SARDH: variants seen among roughly 807,000 people sequenced by gnomAD.
SARDH encodes sarcosine dehydrogenase, mitochondrial.
Under a neutral mutation model 109.1 loss-of-function variants are expected in SARDH, and 95 were observed. The observed-to-expected ratio is 0.87, with a 90% CI of 0.74 to 1.03. The LOEUF (loss-of-function observed/expected upper bound fraction) is 1.03. Among genes scored for constraint, SARDH ranks in the 50% least tolerant of loss-of-function variants. The probability of loss-of-function intolerance (pLI) is 0.00; values close to 1 mark genes in which losing one functional copy is unlikely to be tolerated. For synonymous variants in SARDH, 572 were observed against 534.8 expected (o/e 1.07, Z -0.96); for missense variants, 1,267 against 1,287.8 (o/e 0.98, Z 0.25).
intron 13 of SARDH, among the ~76,000 whole-genome samples, chr9:133,698,576 G>A (rs1454252773): frequency 2.0e-5 from 3 of 152,146 alleles, no homozygotes; most frequent in Non-Finnish European, 2.9e-5. Context: ...AATAAGAATA[G>A]ACCTATAGAT....
At chr9:133,726,680 T>C (rs1311331637) in intron 6 of SARDH, among the ~76,000 whole-genome samples, 3 of 152,188 alleles carry the variant, frequency 2.0e-5, no homozygotes, top group East Asian at 1.9e-4. Flanking sequence ...GTCCCCAGTC[T>C]GGCCCTGGTG....
At chr9:133,695,634 C>T (rs529373103) in intron 14 of SARDH, among the ~76,000 whole-genome samples, 6 of 147,798 alleles carry the variant, frequency 4.1e-5, no homozygotes, top group Admixed American at 7.1e-5. Flanking sequence ...CTTCCAGAAC[C>T]GTGACAATAA....
intron 1 of SARDH, among the ~76,000 whole-genome samples, chr9:133,735,506 A>G (rs1588463473): frequency 6.6e-6 from 1 of 152,322 alleles, no homozygotes; most frequent in African/African-American, 2.4e-5. Flanking sequence ...GCGAGGCAGG[A>G]CAGGCAGTCA....
At chr9:133,714,144 C>T (rs1045559834) in intron 8 of SARDH, among the ~76,000 whole-genome samples, 7 of 152,176 alleles carry the variant, frequency 4.6e-5, no homozygotes, top group African/African-American at 7.2e-5. Flanking sequence ...CGTTCGTGAA[C>T]GATGATACGG....
intron 17 of SARDH, among the ~76,000 whole-genome samples, chr9:133,674,269 G>A (rs966856087): frequency 6.6e-6 from 1 of 152,270 alleles, no homozygotes; most frequent in African/African-American, 2.4e-5. Context: ...GCGTCTCCCA[G>A]CGCCCATGGG....
chr9:133,710,135 A>G lies in SARDH; in HGVS notation c.1329-1707T>C, dbSNP rs111741617. ...GGTCCCCAAGGAATTTCCCTGAAAA[A>G]ACAGCCCAGCCCACACTCTGGCTCT... On this transcript the variant is annotated intron_variant, in intron 10 of 20. Transcript: ENST00000439388. Among the ~76,000 whole-genome samples, 741 of 152,328 alleles carry G rather than the reference A, an allele frequency of 4.9e-3. 9 individuals are homozygous for G. Among genetic ancestry groups the G allele is most frequent in the African/African-American group, 0.017 (705 of 41,570 alleles).
upstream of SARDH, among the ~76,000 whole-genome samples, chr9:133,738,927 C>A (rs1285094246): frequency 6.6e-6 from 1 of 152,208 alleles, no homozygotes; most frequent in Non-Finnish European, 1.5e-5. Context: ...GGGGAGATGC[C>A]CCCAAGCCAC....
chr9:133,665,630 C>A (rs935811744), intron 20 of SARDH, among the ~76,000 whole-genome samples: 2 of 152,228 alleles, frequency 1.3e-5, no homozygotes, highest in African/African-American at 4.8e-5. Context: ...CCTCCCAGCT[C>A]CACCGCCGGA....
rs768611191 is a variant in SARDH at position 133,696,392 on chromosome 9, C to T, written c.1669-31G>A. 4.3e-6 allele frequency: 7 copies of T among 1,613,616 alleles called. No individual in the cohort carries two copies. In the South Asian group the frequency reaches 4.4e-5, roughly 10 times the overall value. ...AAGTTCCAGACAGGTGGGAATGCCACGGGGGCCTTTGGGGTGTGCTTCTTC... is the reference window on the plus strand; with the variant it reads ...AAGTTCCAGACAGGTGGGAATGCCATGGGGGCCTTTGGGGTGTGCTTCTTC... On this transcript the variant is annotated intron_variant, in intron 13 of 20. Coordinates refer to ENST00000439388, the MANE Select transcript of SARDH (RefSeq NM_001134707.2).
chr9:133,731,605 G>A, intron 3 of SARDH, 121 bp from the exon 4 acceptor site: 2 of 958,722 alleles, frequency 2.1e-6, no homozygotes, highest in East Asian at 5.1e-5. Context: ...GCCTTAGCCG[G>A]TCCCCACGCC....
chr9:133,701,475 C>G (rs1246228549), intron 13 of SARDH, among the ~76,000 whole-genome samples: 8 of 152,248 alleles, frequency 5.3e-5, no homozygotes, highest in Admixed American at 3.9e-4. Context: ...TCTAGCAGGC[C>G]GGGGAAGCTG....
chr9:133,664,231 C>T (rs1052640654), intron 20 of SARDH, among the ~76,000 whole-genome samples: 4 of 152,316 alleles, frequency 2.6e-5, no homozygotes, highest in Non-Finnish European at 4.4e-5. Context: ...ATCTGGGGTC[C>T]GGCAAAGCCA....
chr9:133,676,674 G>A (rs760025181), intron 17 of SARDH, among the ~76,000 whole-genome samples: 6 of 152,194 alleles, frequency 3.9e-5, no homozygotes, highest in Non-Finnish European at 7.3e-5. Context: ...TGCAGTCTGC[G>A]TCCAACAGAA....
At chr9:133,665,382 G>A (rs1281171908) in intron 20 of SARDH, among the ~76,000 whole-genome samples, 1 of 152,182 alleles carries the variant, frequency 6.6e-6, no homozygotes, top group African/African-American at 2.4e-5. Flanking sequence ...GTGGCCCCCA[G>A]GACCATGGCC....
At position 133,663,677 on chromosome 9, in the gene SARDH, G is replaced by A. The variant is rs887879811; in HGVS notation, c.*212C>T. The A allele has an allele frequency of 7.9e-6, 5 of 632,044 alleles. No individual in the cohort carries two copies. The highest frequency in any genetic ancestry group is 1.8e-5 in the African/African-American group (1 of 54,894). The allele number at this position is 632,044 out of a possible 1,614,324, so 39.2% of individuals were successfully genotyped here. ...AGGTTTGCTTTCTGGGAGGATTGGGGTGGATTAGAGACTGCCTTCCAGTCA... is the reference window on the plus strand; with the variant it reads ...AGGTTTGCTTTCTGGGAGGATTGGGATGGATTAGAGACTGCCTTCCAGTCA... On this transcript the variant is annotated 3_prime_UTR_variant, in exon 21 of 21. Coordinates refer to ENST00000439388, the MANE Select transcript of SARDH (RefSeq NM_001134707.2).
chr9:133,662,687 C>T (rs1236834339), downstream of SARDH, among the ~76,000 whole-genome samples: 1 of 152,256 alleles, frequency 6.6e-6, no homozygotes, highest in Non-Finnish European at 1.5e-5. This position sits in a 1 kb window ranked among gnomAD's most constrained non-coding sequence, Gnocchi z 5.1. Flanking sequence ...CAGCTGGGGC[C>T]TGCCAGGACT....
chr9:133,685,307 G>T, intron 16 of SARDH, 21 bp from the exon 17 acceptor site: 1 of 1,608,088 alleles, frequency 6.2e-7, no homozygotes, highest in Non-Finnish European at 8.5e-7. Flanking sequence ...GAGCAAAGTC[G>T]CTCAGTCAGC....
rs564820119 is a variant in SARDH, at chr9:133,693,939, C to A, written c.1921+319G>T. ...AGCTGACTGCTTTGAGTGGGAGGCA[C>A]GGCCTAGCATTGGTACGCTTTGTTC... On this transcript the variant is annotated intron_variant, in intron 15 of 20. Coordinates refer to ENST00000439388, the MANE Select transcript of SARDH (RefSeq NM_001134707.2). The surrounding 1 kb of genome is among the most constrained non-coding windows in gnomAD (Gnocchi z 5.6). 6.6e-6 allele frequency among the ~76,000 whole-genome samples: 1 copy of A among 152,198 alleles called. No individual in the cohort carries two copies. Among genetic ancestry groups the A allele is most frequent in the Non-Finnish European group, 1.5e-5 (1 of 68,040 alleles).
At chr9:133,664,637 TC>T (rs1304976357) in intron 20 of SARDH, among the ~76,000 whole-genome samples, 1 of 152,184 alleles carries the variant, frequency 6.6e-6, no homozygotes, top group Admixed American at 6.5e-5. Context: ...AAGCTGTTCT[TC>T]CTTTACAGCA....
Sources: gnomAD v4.1 joint callset for allele counts (sites outside exome capture counted in the v4.1 genomes callset) on GRCh38, gnomAD v4.1.1 for gene constraint, Gnocchi (gnomAD v3.1) non-coding constraint, MANE v1.5 for transcripts, NCBI Gene and HGNC (gene_info 2026-07-23, HGNC 2026-07-21) for gene names.